Variants in DPP6 observed in about 807,000 individuals in gnomAD.
DPP6 encodes dipeptidyl peptidase like 6.
A neutral mutation model predicts 122.6 loss-of-function variants in DPP6; 69 were observed. That is an observed-to-expected ratio of 0.56 (90% CI 0.46 to 0.69). The LOEUF (loss-of-function observed/expected upper bound fraction) is 0.69, where lower values mean the gene tolerates loss of function less well. Ranked by LOEUF, DPP6 falls within the 30% of genes least tolerant of loss-of-function variation. DPP6 has a pLI of 0.00. For missense variants in DPP6, 928 were observed against 1,116.9 expected (o/e 0.83, Z 2.41); for synonymous variants, 418 against 433.1 (o/e 0.97, Z 0.43).
At chr7:154,792,066 CA>C (rs1797715477) in intron 10 of DPP6, among the ~76,000 whole-genome samples, 1 of 152,228 alleles carries the variant, frequency 6.6e-6, no homozygotes, top group Admixed American at 6.5e-5. Context: ...AGAACAAAAG[CA>C]GCATTCTTCC....
chr7:154,219,993 C>G (rs539294792), intron 1 of DPP6, among the ~76,000 whole-genome samples: 134 of 152,300 alleles, frequency 8.8e-4, no homozygotes, highest in African/African-American at 3.1e-3. Context: ...CATTGGTTGC[C>G]TTGCCTTGGA....
intron 5 of DPP6, among the ~76,000 whole-genome samples, chr7:154,603,048 C>G (rs1268795213): frequency 8.3e-6 from 1 of 120,150 alleles, no homozygotes; most frequent in Non-Finnish European, 1.9e-5. Flanking sequence ...CAGTACTTAA[C>G]TATATCATTC....
At chr7:153,865,373 G>T in the DPP6 span, among the ~76,000 whole-genome samples, 1 of 152,106 alleles carries the variant, frequency 6.6e-6, no homozygotes. Context: ...AAGATGGTAG[G>T]TTAATTGATA....
chr7:153,934,943 AAAC>A (rs1801358866), intron 1 of DPP6, among the ~76,000 whole-genome samples: 1 of 152,204 alleles, frequency 6.6e-6, no homozygotes, highest in African/African-American at 2.4e-5. Flanking sequence ...ATGGAAATGA[AAAC>A]AAGGCTTCGG....
intron 2 of DPP6, among the ~76,000 whole-genome samples, chr7:154,474,205 C>T (rs1249840589): frequency 6.6e-6 from 1 of 152,114 alleles, no homozygotes; most frequent in East Asian, 1.9e-4. Flanking sequence ...TGAGGAGGAG[C>T]AAAAACTCTA....
intron 5 of DPP6, among the ~76,000 whole-genome samples, chr7:154,597,026 A>G (rs6597420): frequency 0.59 from 89,983 of 151,934 alleles, 27,127 homozygotes; most frequent in African/African-American, 0.7. Flanking sequence ...CCAGAAGAAG[A>G]AGTCAAGGAC....
intron 8 of DPP6, among the ~76,000 whole-genome samples, chr7:154,756,285 G>C (rs574752404): frequency 2.6e-5 from 4 of 152,260 alleles, no homozygotes; most frequent in South Asian, 4.1e-4. Flanking sequence ...GGATCATCTC[G>C]TGCTGGGCTC....
At chr7:154,330,915 T>G (rs1363845701) in intron 1 of DPP6, among the ~76,000 whole-genome samples, 13 of 152,208 alleles carry the variant, frequency 8.5e-5, no homozygotes, top group Non-Finnish European at 5.9e-5. Flanking sequence ...GGCTTAGTCC[T>G]TACAAGCTTC....
chr7:154,355,331 T>C (rs1811187304), intron 1 of DPP6, among the ~76,000 whole-genome samples: 9 of 152,228 alleles, frequency 5.9e-5, no homozygotes. Flanking sequence ...AGTTGGCCTT[T>C]TCATATAATA....
At chr7:154,059,743 G>A (rs1434761305) in intron 1 of DPP6, among the ~76,000 whole-genome samples, 1 of 151,236 alleles carries the variant, frequency 6.6e-6, no homozygotes, top group Non-Finnish European at 1.5e-5. Flanking sequence ...CTTTTCCATT[G>A]TATGCGTCAG....
intron 5 of DPP6, among the ~76,000 whole-genome samples, chr7:154,612,583 G>T (rs1460361449): frequency 2.6e-5 from 4 of 152,122 alleles, no homozygotes; most frequent in Admixed American, 2.6e-4. Context: ...CCAGTTTTGG[G>T]CTATTACAAA....
At chr7:154,867,889 T>C (rs1193492092) in intron 17 of DPP6, 106 bp from the exon 18 acceptor site, 5 of 1,392,112 alleles carry the variant, frequency 3.6e-6, no homozygotes, top group Non-Finnish European at 4.7e-6. Context: ...TAATCACCTC[T>C]GAGGCTGATG....
chr7:154,736,165 T>C (rs1842561435), intron 8 of DPP6, among the ~76,000 whole-genome samples: 1 of 152,230 alleles, frequency 6.6e-6, no homozygotes, highest in Non-Finnish European at 1.5e-5. Context: ...CTGAGTTTTC[T>C]TGAAAGAAAA....
At chr7:154,653,719 C>T (rs1050827713) in intron 6 of DPP6, among the ~76,000 whole-genome samples, 1 of 152,146 alleles carries the variant, frequency 6.6e-6, no homozygotes, top group Admixed American at 6.5e-5. Context: ...TAGAACATTC[C>T]ACCCCCACCT....
At chr7:154,838,150 A>G (rs1801232225) in intron 16 of DPP6, among the ~76,000 whole-genome samples, 1 of 152,258 alleles carries the variant, frequency 6.6e-6, no homozygotes, top group Non-Finnish European at 1.5e-5. Flanking sequence ...AACAGTAAGC[A>G]TAATGACAGC....
At chr7:154,845,668 AAAAG>A (rs1428949733) in intron 16 of DPP6, among the ~76,000 whole-genome samples, 1 of 151,900 alleles carries the variant, frequency 6.6e-6, no homozygotes, top group Non-Finnish European at 1.5e-5. Context: ...ATAATAATAA[AAAAG>A]AAAGATGTCC....
At chr7:154,114,370 C>T (rs1161134410) in intron 1 of DPP6, among the ~76,000 whole-genome samples, 1 of 152,068 alleles carries the variant, frequency 6.6e-6, no homozygotes, top group Non-Finnish European at 1.5e-5. Context: ...ATAGCAGTGT[C>T]TATACCACAG....
intron 1 of DPP6, among the ~76,000 whole-genome samples, chr7:154,030,781 C>T (rs1799185024): frequency 6.6e-6 from 1 of 152,192 alleles, no homozygotes; most frequent in Admixed American, 6.5e-5. Flanking sequence ...CCCCAGAAGT[C>T]CCTGGTGACC....
intron 1 of DPP6, among the ~76,000 whole-genome samples, chr7:154,390,418 A>G (rs1779320502): frequency 6.6e-6 from 1 of 151,994 alleles, no homozygotes; most frequent in Non-Finnish European, 1.5e-5. Flanking sequence ...AGTTTTTTTT[A>G]TTCTTTGAGA....
Sources: gnomAD v4.1 joint callset for allele counts (sites outside exome capture counted in the v4.1 genomes callset) on GRCh38, gnomAD v4.1.1 for gene constraint, MANE v1.5 for transcripts, NCBI Gene and HGNC (gene_info 2026-07-23, HGNC 2026-07-21) for gene names.